The following TRABD2A variants were observed in gnomAD, a reference collection of about 807,000 sequenced individuals.
TRABD2A encodes TraB domain containing 2A, also known as metalloprotease TIKI1.
TRABD2A carries 43 observed loss-of-function variants against 45.6 expected under a neutral mutation model. That is an observed-to-expected ratio of 0.94 (90% confidence interval 0.74 to 1.22). The LOEUF (loss-of-function observed/expected upper bound fraction) is 1.22, where lower values mean the gene tolerates loss of function less well. Among genes scored for constraint, TRABD2A ranks in the 50% most tolerant of loss-of-function variants. The probability of loss-of-function intolerance (pLI) is 0.00; values close to 1 mark genes in which losing one functional copy is unlikely to be tolerated. For synonymous variants in TRABD2A, 269 were observed against 265.0 expected (o/e 1.02, Z -0.15); for missense variants, 642 against 652.4 (o/e 0.98, Z 0.17).
At position 84,830,634 on chromosome 2, in the gene TRABD2A, G is replaced by T. The variant is rs544809755; in HGVS notation, c.1082+1421C>A. On this transcript the variant is annotated intron_variant, in intron 5 of 6. Transcript: ENST00000409520. This position sits in a 1 kb window ranked among gnomAD's most constrained non-coding sequence, Gnocchi z 4.9. The stretch of plus-strand genomic sequence containing the variant: ...AAAGCCTGGTGGAGAAGGAAAATGA[G>T]CAGTCTCACATCAGCGCTTCTGTAA... 4.6e-5 allele frequency among the ~76,000 whole-genome samples: 7 copies of T among 152,300 alleles called. No homozygotes were observed. The highest frequency in any genetic ancestry group is 1.7e-4 in the African/African-American group (7 of 41,560).
Position 84,850,482 on chromosome 2 carries a change from C to T in TRABD2A, c.670-8475G>A, listed in dbSNP as rs147168894. On this transcript the variant is annotated intron_variant, in intron 2 of 6. Coordinates refer to ENST00000409520, the MANE Select transcript of TRABD2A (RefSeq NM_001277053.2). ...TGGAGAGGGGGCAAGAACCAATGGG[C>T]GTGTGACAGCAACCAGTCACAGAGG... Among the ~76,000 whole-genome samples the T allele has an allele frequency of 1.1e-4, 17 of 152,110 alleles. No homozygotes were observed. The East Asian group carries it at 1.7e-3, about 16-fold the overall frequency.
In TRABD2A at chr2:84,832,060, G is replaced by T; in HGVS notation, c.1077C>A (p.Ile359=). The T allele has an allele frequency of 6.2e-7, 1 of 1,614,008 alleles. No homozygotes were observed. The change falls in exon 5 of 7, where the codon ATC becomes ATA. Residue 359 remains isoleucine, a synonymous_variant. Coordinates refer to ENST00000409520, the MANE Select transcript of TRABD2A (RefSeq NM_001277053.2). ...TAGAAGCACAGGACGGTTACTTGTG[G>T]ATGGGTCGTCCAGCAGGGGCGTGTT... ...EVEHAPAGRP[I]HKGKSKKTST...
At chr2:84,853,294 G>T (rs1453197826) in intron 2 of TRABD2A, among the ~76,000 whole-genome samples, 1 of 151,952 alleles carries the variant, frequency 6.6e-6, no homozygotes, top group Admixed American at 6.6e-5. Context: ...TTATAAAGGA[G>T]GAAGGTTTAA....
intron 6 of TRABD2A, among the ~76,000 whole-genome samples, chr2:84,822,756 C>G (rs184795744): frequency 6.6e-6 from 1 of 152,348 alleles, no homozygotes; most frequent in Non-Finnish European, 1.5e-5. Context: ...TCCCCATTCT[C>G]CAGGTCCCAT....
At chr2:84,872,310 A>T (rs1682892691) in intron 1 of TRABD2A, among the ~76,000 whole-genome samples, 1 of 152,108 alleles carries the variant, frequency 6.6e-6, no homozygotes, top group African/African-American at 2.4e-5. Flanking sequence ...GGAGTTTGAG[A>T]CCAGCCTGGG....
intron 1 of TRABD2A, among the ~76,000 whole-genome samples, chr2:84,880,694 G>A (rs532801739): frequency 5.1e-4 from 78 of 152,350 alleles, no homozygotes; most frequent in African/African-American, 1.7e-3. Flanking sequence ...CCTTGGGCTG[G>A]CGGAGGGCAA....
At chr2:84,880,873 G>GT (rs1683180557) in intron 1 of TRABD2A, 59 bp downstream of exon 1, 9 of 1,548,116 alleles carry the variant, frequency 5.8e-6, no homozygotes, top group Non-Finnish European at 7.0e-6. Flanking sequence ...GGTTCGGAGG[G>GT]AAACCATCCC....
At chr2:84,880,891 T>C in intron 1 of TRABD2A, 41 bp downstream of exon 1, 1 of 1,556,094 alleles carries the variant, frequency 6.4e-7, no homozygotes, top group Non-Finnish European at 8.7e-7. Context: ...CCCAAGGAGG[T>C]GCAGAGAGGC....
At chr2:84,866,749 A>G (rs1390064003) in intron 2 of TRABD2A, among the ~76,000 whole-genome samples, 1 of 151,294 alleles carries the variant, frequency 6.6e-6, no homozygotes, top group African/African-American at 2.4e-5. Context: ...CATTGGAAAG[A>G]TGAGAAAACT....
intron 4 of TRABD2A, 104 bp downstream of exon 4, chr2:84,839,045 G>T (rs114847206): frequency 1.6e-4 from 212 of 1,329,396 alleles, no homozygotes; most frequent in Non-Finnish European, 2.1e-4. Context: ...CCTTCATCTC[G>T]CTTCATGACT....
intron 2 of TRABD2A, among the ~76,000 whole-genome samples, chr2:84,842,210 G>C (rs1681734824): frequency 6.6e-6 from 1 of 152,164 alleles, no homozygotes; most frequent in Non-Finnish European, 1.5e-5. Context: ...GCCCCAATCA[G>C]ACACACCTAG....
At position 84,870,755 on chromosome 2, in the gene TRABD2A, T is replaced by C; in HGVS notation, c.139A>G (p.Ile47Val). The change falls in exon 2 of 7, where the codon ATT becomes GTT. Residue 47 changes from isoleucine (I) to valine (V), a missense_variant. By Grantham distance (29) the Ile-to-Val change is conservative (BLOSUM62 3). Transcript: ENST00000409520. ...AAGTAAGATGGTGGGTCTCGCTTAA[T>C]GGTCCACAAGAAGGAATTCAGCTCG... ...QSELNSFLWT[I>V]KRDPPSYFFG... 1.1e-5 allele frequency: 17 copies of C among 1,593,758 alleles called. No homozygotes were observed. The highest frequency in any genetic ancestry group is 1.5e-5 in the Non-Finnish European group (17 of 1,169,934).
chr2:84,849,481 G>A (rs1416052421), intron 2 of TRABD2A: 1 of 152,180 alleles, frequency 6.6e-6, no homozygotes, highest in Admixed American at 6.5e-5. Flanking sequence ...TGCATCCAGG[G>A]CTGCTCCATG....
intron 2 of TRABD2A, among the ~76,000 whole-genome samples, chr2:84,864,307 G>C (rs540894791): frequency 2.6e-5 from 4 of 152,308 alleles, no homozygotes; most frequent in African/African-American, 9.6e-5. Flanking sequence ...GTAGGAGCAG[G>C]TGCTAAGTGA....
intron 1 of TRABD2A, 31 bp downstream of exon 1, chr2:84,880,901 C>T: frequency 6.4e-7 from 1 of 1,563,590 alleles, no homozygotes; most frequent in Non-Finnish European, 8.7e-7. Context: ...TGCAGAGAGG[C>T]CGGCTCTCCA....
At chr2:84,871,612 G>A (rs1249531735) in intron 1 of TRABD2A, among the ~76,000 whole-genome samples, 1 of 151,956 alleles carries the variant, frequency 6.6e-6, no homozygotes, top group Admixed American at 6.6e-5. Context: ...TCAGCCTCCT[G>A]AGTAGCTGGG....
intron 2 of TRABD2A, among the ~76,000 whole-genome samples, chr2:84,848,411 CAGATAGAT>C (rs371387071): frequency 0.073 from 10,451 of 144,046 alleles, 793 homozygotes; most frequent in African/African-American, 0.19. Flanking sequence ...GACAGACAGA[CAGATAGAT>C]AGTCTCCACT....
intron 2 of TRABD2A, among the ~76,000 whole-genome samples, chr2:84,852,460 G>T (rs905063263): frequency 4.6e-5 from 7 of 152,024 alleles, no homozygotes; most frequent in African/African-American, 1.7e-4. Context: ...CAGAATGACC[G>T]CAGAGTTGAG....
chr2:84,842,029 A>G, intron 2 of TRABD2A, 22 bp from the exon 3 acceptor site: 1 of 1,467,106 alleles, frequency 6.8e-7, no homozygotes, highest in East Asian at 2.5e-5. Flanking sequence ...GTCTCTTTTA[A>G]GTTCACTAAC....
Sources: allele counts gnomAD v4.1 joint callset (sites outside exome capture counted in the v4.1 genomes callset), GRCh38; gene constraint gnomAD v4.1.1; non-coding constraint Gnocchi (gnomAD v3.1); transcripts MANE v1.5; gene names NCBI Gene and HGNC (gene_info 2026-07-23, HGNC 2026-07-21).